EYA4: variants seen among roughly 807,000 people sequenced by gnomAD.
The protein encoded by EYA4 is EYA transcriptional coactivator and phosphatase 4, also known as protein phosphatase EYA4.
EYA4 carries 31 observed loss-of-function variants against 87.9 expected under a neutral mutation model. The observed-to-expected ratio is 0.35, with a 90% CI of 0.27 to 0.48. The LOEUF (loss-of-function observed/expected upper bound fraction) is 0.48. EYA4 is among the 20% of genes least tolerant of loss of function. EYA4 has a pLI of 0.99. For synonymous variants in EYA4, 263 were observed against 270.6 expected, an observed-to-expected ratio of 0.97 and a Z score of 0.28; for missense variants, 678 against 761.4, an observed-to-expected ratio of 0.89 and a Z score of 1.29.
At chr6:133,333,859 A>G (rs1410319169) in intron 2 of EYA4, among the ~76,000 whole-genome samples, 1 of 152,214 alleles carries the variant, frequency 6.6e-6, no homozygotes, top group Non-Finnish European at 1.5e-5. Context: ...ACTACTATGT[A>G]AAGACAAACT....
intron 18 of EYA4, 116 bp from the exon 19 acceptor site, chr6:133,525,038 A>C: frequency 6.2e-7 from 1 of 1,613,638 alleles, no homozygotes; most frequent in Non-Finnish European, 8.5e-7. Flanking sequence ...TTTTGAGCGT[A>C]TAGTGTCCAG....
chr6:133,374,016 T>C (rs1785476669), intron 2 of EYA4, among the ~76,000 whole-genome samples: 1 of 152,070 alleles, frequency 6.6e-6, no homozygotes, highest in Non-Finnish European at 1.5e-5. Context: ...TTTGAAATTT[T>C]CCTAAATAAT....
At chr6:133,451,787 G>A (rs932975424) in intron 5 of EYA4, among the ~76,000 whole-genome samples, 1 of 152,088 alleles carries the variant, frequency 6.6e-6, no homozygotes, top group African/African-American at 2.4e-5. Context: ...AGGTTTGGGG[G>A]AATAGAAATC....
chr6:133,507,538 A>G (rs1350724514), intron 14 of EYA4, among the ~76,000 whole-genome samples: 1 of 152,030 alleles, frequency 6.6e-6, no homozygotes, highest in African/African-American at 2.4e-5. Flanking sequence ...CCTCCACCCC[A>G]TCACAGGCCC....
intron 13 of EYA4, among the ~76,000 whole-genome samples, chr6:133,493,977 G>A (rs1338756742): frequency 6.6e-6 from 1 of 152,166 alleles, no homozygotes; most frequent in Non-Finnish European, 1.5e-5. Context: ...CCGTTTGTGG[G>A]AATGTAAATT....
chr6:133,300,068 C>T (rs964590010), intron 2 of EYA4, among the ~76,000 whole-genome samples: 8 of 151,576 alleles, frequency 5.3e-5, no homozygotes, highest in South Asian at 4.2e-4. Flanking sequence ...TTTGGTGTTA[C>T]GTATATTATG....
intron 3 of EYA4, among the ~76,000 whole-genome samples, chr6:133,399,870 C>G (rs887308950): frequency 6.6e-6 from 1 of 151,822 alleles, no homozygotes; most frequent in African/African-American, 2.4e-5. Flanking sequence ...ATAGTTTAAA[C>G]AAAATTAAAT....
At chr6:133,452,899 C>CTT (rs1793583992) in intron 5 of EYA4, 1 of 152,064 alleles carries the variant, frequency 6.6e-6, no homozygotes, top group Admixed American at 6.6e-5. Flanking sequence ...CCACAAAACT[C>CTT]TTCAACCTAG....
intron 18 of EYA4, among the ~76,000 whole-genome samples, chr6:133,523,959 C>G (rs1471659784): frequency 2.6e-5 from 4 of 152,070 alleles, no homozygotes; most frequent in African/African-American, 9.7e-5. Flanking sequence ...ATCCTAAAAT[C>G]CCCCACCAAA....
intron 1 of EYA4, among the ~76,000 whole-genome samples, chr6:133,250,715 T>C (rs912076375): frequency 8.5e-5 from 13 of 152,288 alleles, no homozygotes; most frequent in Admixed American, 7.2e-4. Flanking sequence ...AGCTCTAACA[T>C]TGATGAGTTT....
intron 5 of EYA4, among the ~76,000 whole-genome samples, chr6:133,448,967 G>A (rs761532867): frequency 6.6e-6 from 1 of 152,120 alleles, no homozygotes; most frequent in African/African-American, 2.4e-5. Context: ...CTCTATCTCT[G>A]ATGAAATTAG....
intron 3 of EYA4, among the ~76,000 whole-genome samples, chr6:133,384,106 G>A (rs183746501): frequency 1.3e-5 from 2 of 152,056 alleles, no homozygotes; most frequent in Non-Finnish European, 2.9e-5. Flanking sequence ...AGGATTTTTG[G>A]GCAGATAATA....
intron 3 of EYA4, among the ~76,000 whole-genome samples, chr6:133,428,388 A>G (rs1790864005): frequency 6.6e-6 from 1 of 152,216 alleles, no homozygotes; most frequent in South Asian, 2.1e-4. Context: ...ATGACACTCA[A>G]AGACAGCACA....
chr6:133,441,806 A>C (rs1244918621), intron 3 of EYA4, among the ~76,000 whole-genome samples: 1 of 152,112 alleles, frequency 6.6e-6, no homozygotes, highest in African/African-American at 2.4e-5. Flanking sequence ...AGAATGAGTC[A>C]GGGTGGAACA....
intron 3 of EYA4, among the ~76,000 whole-genome samples, chr6:133,389,824 A>G (rs1415546428): frequency 1.3e-5 from 2 of 152,116 alleles, no homozygotes; most frequent in Admixed American, 6.6e-5. Context: ...CTATGAAACC[A>G]TGTTTTTTGA....
chr6:133,448,063 C>T, intron 4 of EYA4, 48 bp from the exon 5 acceptor site: 1 of 1,399,686 alleles, frequency 7.1e-7, no homozygotes, highest in Non-Finnish European at 1.0e-6. Flanking sequence ...TTCATATCCA[C>T]TCAGCAGGCA....
At chr6:133,249,512 G>T (rs1774707994) in intron 1 of EYA4, among the ~76,000 whole-genome samples, 1 of 152,130 alleles carries the variant, frequency 6.6e-6, no homozygotes, top group Non-Finnish European at 1.5e-5. Flanking sequence ...AAAATTCTCT[G>T]CAGGGAAGAT....
At chr6:133,475,549 T>G (rs1215446869) in intron 11 of EYA4, among the ~76,000 whole-genome samples, 1 of 152,108 alleles carries the variant, frequency 6.6e-6, no homozygotes, top group Non-Finnish European at 1.5e-5. Context: ...AGCCTTTTGA[T>G]AACTTCATGG....
rs911963229 is a variant in EYA4 at position 133,257,344 on chromosome 6, C to A, written c.-66+15595C>A. On this transcript the variant is annotated intron_variant, in intron 1 of 19. Coordinates refer to ENST00000355286, the MANE Select transcript of EYA4 (RefSeq NM_004100.5). ...CTGGAAAAACAAAACAACTCTCCTTCCCCCAACGTAGGTGAGGCCTGTGAT... is the reference window on the plus strand; with the variant it reads ...CTGGAAAAACAAAACAACTCTCCTTACCCCAACGTAGGTGAGGCCTGTGAT... 3.3e-5 allele frequency among the ~76,000 whole-genome samples: 5 copies of A among 152,230 alleles called. No homozygotes were observed. In the East Asian group the frequency reaches 9.6e-4, roughly 29 times the overall value.
Sources: allele counts gnomAD v4.1 joint callset (sites outside exome capture counted in the v4.1 genomes callset), GRCh38; gene constraint gnomAD v4.1.1; transcripts MANE v1.5; gene names NCBI Gene and HGNC (gene_info 2026-07-23, HGNC 2026-07-21).